NCMAP: variants seen among roughly 807,000 people sequenced by gnomAD.
NCMAP encodes non-compact myelin associated protein.
NCMAP carries 8 observed loss-of-function variants against 7.8 expected under a neutral mutation model. That is an observed-to-expected ratio of 1.02 (90% CI 0.60 to 1.84). The LOEUF (loss-of-function observed/expected upper bound fraction) is 1.84. NCMAP is among the 40% of genes most tolerant of loss of function. NCMAP has a pLI of 0.00. For missense variants in NCMAP, 112 were observed against 131.4 expected (o/e 0.85, Z 0.72); for synonymous variants, 41 against 52.9 (o/e 0.78, Z 0.98).
intron 1 of NCMAP, among the ~76,000 whole-genome samples, chr1:24,566,533 G>T (rs1439949588): frequency 6.6e-6 from 1 of 152,160 alleles, no homozygotes; most frequent in Non-Finnish European, 1.5e-5. Context: ...AGGGGCTGGT[G>T]GAATAAGACT....
chr1:24,569,742 A>G (rs1375326377), intron 1 of NCMAP, among the ~76,000 whole-genome samples: 3 of 150,716 alleles, frequency 2.0e-5, no homozygotes. Context: ...ACAAATAAAA[A>G]TTTAAACTAT....
chr1:24,570,115 T>TC (rs1433591889), intron 1 of NCMAP, among the ~76,000 whole-genome samples: 1 of 149,582 alleles, frequency 6.7e-6, no homozygotes, highest in Non-Finnish European at 1.5e-5. Context: ...TGGAAATTTT[T>TC]TTTTTTTTTT....
intron 2 of NCMAP, 24 bp from the exon 3 acceptor site, chr1:24,600,916 T>C: frequency 6.2e-7 from 1 of 1,610,980 alleles, no homozygotes. Flanking sequence ...ACATTCACGG[T>C]CTCTGCTTCT....
intron 2 of NCMAP, among the ~76,000 whole-genome samples, chr1:24,596,012 T>C (rs1255399894): frequency 6.6e-6 from 1 of 152,154 alleles, no homozygotes; most frequent in Non-Finnish European, 1.5e-5. Flanking sequence ...CTGGGTGTGG[T>C]GGCTCACACC....
In NCMAP at chr1:24,606,696, T is replaced by G. The variant is rs1028782868; in HGVS notation, c.*949T>G. 2 of 152,254 alleles carry G rather than the reference T, an allele frequency of 1.3e-5. No individual in the cohort carries two copies. The highest frequency in any genetic ancestry group is 4.8e-5 in the African/African-American group (2 of 41,458). 9.4% of individuals were successfully genotyped at this position (152,254 alleles called of 1,614,324 possible). A position where few individuals can be genotyped will look rare whatever the true frequency, so the allele number is the denominator to read the frequency against. On this transcript the variant is annotated 3_prime_UTR_variant, in exon 4 of 4. Coordinates refer to ENST00000374392, the MANE Select transcript of NCMAP (RefSeq NM_001010980.5). ...CAACACATTCACAACCCATTTCTATTCTATAGCAACCTCGTCTGTGACTCC... is the reference window on the plus strand; with the variant it reads ...CAACACATTCACAACCCATTTCTATGCTATAGCAACCTCGTCTGTGACTCC...
rs1557596568 is a variant in NCMAP at position 24,577,416 on chromosome 1, T to TTTTTG, written c.-7-18004_-7-18003insGTTTT. ...CACTGGCCTTGTTTTTTTTTTTTTT[T>TTTTTG]TTTTTTTTTTTTTTTGGTTTTTTTG... is the stretch of plus-strand genomic sequence containing the variant. On this transcript the variant is annotated intron_variant, in intron 1 of 3. Transcript: ENST00000374392. Among the ~76,000 whole-genome samples the TTTTTG allele has an allele frequency of 8.6e-4, 126 of 146,298 alleles. 2 individuals carry two copies. Among genetic ancestry groups the TTTTTG allele is most frequent in the African/African-American group, 3.1e-3 (123 of 39,668 alleles).
At chr1:24,596,431 C>A (rs1412180496) in intron 2 of NCMAP, among the ~76,000 whole-genome samples, 3 of 152,150 alleles carry the variant, frequency 2.0e-5, no homozygotes, top group Non-Finnish European at 2.9e-5. Context: ...GCCTGTAATC[C>A]CAGCAGTTTG....
At chr1:24,557,584 G>A (rs1329266659) in intron 1 of NCMAP, among the ~76,000 whole-genome samples, 3 of 152,302 alleles carry the variant, frequency 2.0e-5, no homozygotes, top group South Asian at 2.1e-4. Context: ...GGATGATGGG[G>A]CAGGAACTCT....
chr1:24,592,162 G>A (rs2148934538), intron 1 of NCMAP, among the ~76,000 whole-genome samples: 1 of 152,344 alleles, frequency 6.6e-6, no homozygotes, highest in South Asian at 2.1e-4. Flanking sequence ...GTTTGGCAGA[G>A]GGTGGTGTGA....
intron 1 of NCMAP, among the ~76,000 whole-genome samples, chr1:24,567,261 C>T (rs1651255193): frequency 6.6e-6 from 1 of 152,164 alleles, no homozygotes. Flanking sequence ...GCAGGTCCCC[C>T]AGGGAGCACC....
intron 1 of NCMAP, among the ~76,000 whole-genome samples, chr1:24,588,442 A>G (rs142542046): frequency 5.1e-4 from 77 of 152,254 alleles, no homozygotes; most frequent in Middle Eastern, 3.4e-3. Context: ...CAGGTGGTCA[A>G]TTGAGGAGAG....
chr1:24,557,174 C>T (rs910682725), intron 1 of NCMAP, among the ~76,000 whole-genome samples: 1 of 152,148 alleles, frequency 6.6e-6, no homozygotes. Flanking sequence ...CAGCACGGTG[C>T]CCAGCATGCA....
intron 1 of NCMAP, among the ~76,000 whole-genome samples, chr1:24,591,382 C>T (rs143463144): frequency 0.038 from 5,753 of 152,288 alleles, 414 homozygotes; most frequent in African/African-American, 0.13. Context: ...ATTCTTCTGC[C>T]TCAGCCTCCC....
chr1:24,597,563 A>C, intron 2 of NCMAP, among the ~76,000 whole-genome samples: 1 of 84,986 alleles, frequency 1.2e-5, no homozygotes, highest in Non-Finnish European at 2.3e-5. Flanking sequence ...GAAGGGGGGG[A>C]GGTTCTCCTG....
intron 1 of NCMAP, among the ~76,000 whole-genome samples, chr1:24,593,944 T>C (rs570632514): frequency 1.3e-5 from 2 of 152,260 alleles, no homozygotes; most frequent in East Asian, 3.9e-4. Context: ...CAGGCTGAAA[T>C]GCAGTGGTGC....
At chr1:24,593,968 T>C (rs1461596174) in intron 1 of NCMAP, among the ~76,000 whole-genome samples, 6 of 152,176 alleles carry the variant, frequency 3.9e-5, no homozygotes, top group Non-Finnish European at 8.8e-5. Flanking sequence ...CTCTGCTCAC[T>C]GCAACCTCCA....
At chr1:24,579,908 C>T (rs575437792) in intron 1 of NCMAP, among the ~76,000 whole-genome samples, 6 of 152,198 alleles carry the variant, frequency 3.9e-5, no homozygotes, top group South Asian at 2.1e-4. Context: ...TTTCCCAGAG[C>T]CTAGGCTTTG....
At chr1:24,559,679 G>A (rs1650993479) in intron 1 of NCMAP, among the ~76,000 whole-genome samples, 1 of 152,172 alleles carries the variant, frequency 6.6e-6, no homozygotes, top group African/African-American at 2.4e-5. Flanking sequence ...TCTGAACTGT[G>A]GGGGCCCTTG....
At chr1:24,573,959 A>AAAAAAAAAAAAAAAAAAAAAAAAAC (rs1651469441) in intron 1 of NCMAP, among the ~76,000 whole-genome samples, 2 of 144,592 alleles carry the variant, frequency 1.4e-5, no homozygotes, top group Non-Finnish European at 3.0e-5. Context: ...GGACAAAAAA[A>AAAAAAAAAAAAAAAAAAAAAAAAAC]AAAAAAAAAA....
Sources: allele counts gnomAD v4.1 joint callset (sites outside exome capture counted in the v4.1 genomes callset), GRCh38; gene constraint gnomAD v4.1.1; transcripts MANE v1.5; gene names NCBI Gene and HGNC (gene_info 2026-07-23, HGNC 2026-07-21).